Variants in LNX1 observed in about 807,000 individuals in gnomAD.
LNX1 encodes the protein E3 ubiquitin-protein ligase LNX.
Under a neutral mutation model 68.4 loss-of-function variants are expected in LNX1, and 54 were observed. The observed-to-expected ratio is 0.79, with a 90% confidence interval of 0.63 to 0.99. LNX1 has a LOEUF of 0.99. LNX1 is among the 50% of genes least tolerant of loss of function. The pLI, the probability that LNX1 is intolerant of heterozygous loss-of-function variation, is 0.00. For synonymous variants in LNX1, 336 were observed against 350.0 expected, an observed-to-expected ratio of 0.96 and a Z score of 0.45; for missense variants, 906 against 926.4, an observed-to-expected ratio of 0.98 and a Z score of 0.29.
chr4:53,524,915 T>G (rs533579764), intron 2 of LNX1, among the ~76,000 whole-genome samples: 2 of 152,338 alleles, frequency 1.3e-5, no homozygotes, highest in African/African-American at 4.8e-5. Context: ...TGATTTCACA[T>G]GATCTGGGGG....
intron 2 of LNX1, among the ~76,000 whole-genome samples, chr4:53,513,260 T>A (rs1325180303): frequency 6.6e-6 from 1 of 152,310 alleles, no homozygotes; most frequent in Non-Finnish European, 1.5e-5. Context: ...TGATCTTTTT[T>A]AATGTATTAT....
chr4:53,567,386 T>G (rs1208020425), intron 2 of LNX1, among the ~76,000 whole-genome samples: 2 of 149,922 alleles, frequency 1.3e-5, no homozygotes, highest in African/African-American at 4.9e-5. Flanking sequence ...AACCTGCTCC[T>G]GAATGACTAC....
chr4:53,494,450 C>T (rs935973511), intron 6 of LNX1, among the ~76,000 whole-genome samples: 1 of 152,278 alleles, frequency 6.6e-6, no homozygotes, highest in East Asian at 1.9e-4. Context: ...TCTTGTGTCT[C>T]CTTAGGATGA....
Position 53,597,927 on chromosome 4 carries a change from T to C in LNX1, c.-214-6412A>G, listed in dbSNP as rs76912190. ...TTTTATGGTTATTTCTCACATTTGT[T>C]GAACCATTGCCTAGATCAATGTTAT... is the stretch of plus-strand genomic sequence containing the variant. On this transcript the variant is annotated intron_variant, in intron 2 of 3. Transcript: ENST00000504299. 5.2e-3 allele frequency among the ~76,000 whole-genome samples: 785 copies of C among 152,338 alleles called. 7 individuals carry two copies. Among genetic ancestry groups the C allele is most frequent in the African/African-American group, 0.015 (636 of 41,572 alleles).
At chr4:53,559,655 A>AT (rs1165748691) in intron 2 of LNX1, among the ~76,000 whole-genome samples, 1 of 151,984 alleles carries the variant, frequency 6.6e-6, no homozygotes, top group Non-Finnish European at 1.5e-5. Flanking sequence ...ATTGTATTTT[A>AT]TTTTTTTCAG....
chr4:53,621,251 T>C (rs3113662), upstream of LNX1, among the ~76,000 whole-genome samples: 40,297 of 151,964 alleles, frequency 0.27, 5,705 homozygotes, highest in African/African-American at 0.35. Context: ...TGCAGTTCTC[T>C]AAGTCAAATT....
chr4:53,585,797 C>T (rs1320778466), intron 1 of LNX1, among the ~76,000 whole-genome samples: 1 of 152,184 alleles, frequency 6.6e-6, no homozygotes. Flanking sequence ...TTATTTCAAA[C>T]TTCCAGCCTC....
intron 1 of LNX1, chr4:53,575,615 G>A (rs1731432824): frequency 7.6e-7 from 1 of 1,308,768 alleles, no homozygotes; most frequent in East Asian, 2.8e-5. Context: ...CTTGGGACCA[G>A]GCCCGCTTTT....
upstream of LNX1, among the ~76,000 whole-genome samples, chr4:53,595,188 C>T (rs1243600987): frequency 6.6e-6 from 1 of 152,038 alleles, no homozygotes; most frequent in Non-Finnish European, 1.5e-5. Context: ...AGGGCAGTGG[C>T]ATGGGTGGAA....
At chr4:53,483,251 T>C (rs1724064153) in intron 6 of LNX1, among the ~76,000 whole-genome samples, 1 of 152,196 alleles carries the variant, frequency 6.6e-6, no homozygotes, top group Non-Finnish European at 1.5e-5. Context: ...TTGCTCTTCC[T>C]TCATCTTCCA....
At chr4:53,550,188 T>C (rs1289783731) in intron 2 of LNX1, among the ~76,000 whole-genome samples, 1 of 152,240 alleles carries the variant, frequency 6.6e-6, no homozygotes, top group Admixed American at 6.5e-5. Flanking sequence ...GCGGCTTCAA[T>C]TTCCTTCAAA....
At chr4:53,610,763 T>G (rs1733458411) in intron 2 of LNX1, among the ~76,000 whole-genome samples, 1 of 141,008 alleles carries the variant, frequency 7.1e-6, no homozygotes, top group African/African-American at 2.6e-5. Context: ...TTCTAAGAAA[T>G]TAGAAGAAGA....
At chr4:53,576,183 GT>G in intron 1 of LNX1, 1 of 1,580,296 alleles carries the variant, frequency 6.3e-7, no homozygotes, top group Non-Finnish European at 8.6e-7. Context: ...ACTTTCAGTG[GT>G]GGGTGGATGT....
intron 2 of LNX1, among the ~76,000 whole-genome samples, chr4:53,605,198 G>A (rs1375039998): frequency 1.3e-5 from 2 of 152,192 alleles, no homozygotes; most frequent in African/African-American, 4.8e-5. Flanking sequence ...ACATTGAAGA[G>A]CATGTGGAAT....
intron 2 of LNX1, among the ~76,000 whole-genome samples, chr4:53,599,689 C>A (rs1732909122): frequency 6.6e-6 from 1 of 152,126 alleles, no homozygotes; most frequent in Non-Finnish European, 1.5e-5. Flanking sequence ...TTCCCAGGTC[C>A]CCCACAGCCT....
At chr4:53,595,893 C>G (rs1025554005), upstream of LNX1, among the ~76,000 whole-genome samples, 1 of 152,012 alleles carries the variant, frequency 6.6e-6, no homozygotes, top group Non-Finnish European at 1.5e-5. Flanking sequence ...TGACATATTT[C>G]TAGAGTTGTC....
At chr4:53,592,711 T>C (rs2030369211), upstream of LNX1, among the ~76,000 whole-genome samples, 1 of 152,168 alleles carries the variant, frequency 6.6e-6, no homozygotes, top group Middle Eastern at 3.2e-3. Context: ...GGTTTTAATA[T>C]TGGACTACCT....
rs138598823 is a variant in LNX1, at chr4:53,494,180, T to C, written c.1350+1843A>G. ...TGAATCACGGGAGTGGTTTCCCCCA[T>C]ACCATTCTTGTGGTAGTAAGTCTCA... On this transcript the variant is annotated intron_variant, in intron 6 of 10. Transcript: ENST00000263925. Among the ~76,000 whole-genome samples the C allele has an allele frequency of 2.3e-3, 348 of 152,290 alleles. 6 individuals are homozygous for C. The highest frequency in any genetic ancestry group is 0.019 in the East Asian group (98 of 5,172).
chr4:53,520,887 G>A (rs537688316), intron 2 of LNX1, among the ~76,000 whole-genome samples: 22 of 152,272 alleles, frequency 1.4e-4, no homozygotes, highest in Non-Finnish European at 2.2e-4. Context: ...ACTTGAACCC[G>A]GGAGGTGGAG....
Sources: gnomAD v4.1 joint callset for allele counts (sites outside exome capture counted in the v4.1 genomes callset) on GRCh38, gnomAD v4.1.1 for gene constraint, MANE v1.5 for transcripts, NCBI Gene and HGNC (gene_info 2026-07-23, HGNC 2026-07-21) for gene names.